EGLN3: variants seen among roughly 807,000 people sequenced by gnomAD.
The protein encoded by EGLN3 is prolyl hydroxylase EGLN3.
EGLN3 carries 15 observed loss-of-function variants against 26.0 expected under a neutral mutation model. That is an observed-to-expected ratio of 0.58 (90% confidence interval 0.39 to 0.89). The LOEUF is 0.89. Among genes scored for constraint, EGLN3 ranks in the 40% least tolerant of loss-of-function variants. EGLN3 has a pLI of 0.00. For synonymous variants in EGLN3, 147 were observed against 127.2 expected, an observed-to-expected ratio of 1.16 and a Z score of -1.05; for missense variants, 238 against 311.6, an observed-to-expected ratio of 0.76 and a Z score of 1.78.
chr14:33,943,856 A>C (rs1198526963), intron 1 of EGLN3, among the ~76,000 whole-genome samples: 1 of 152,228 alleles, frequency 6.6e-6, no homozygotes, highest in Admixed American at 6.5e-5. Context: ...AAGTTTTTCC[A>C]GGAGATTCAG....
Position 33,949,822 on chromosome 14 carries a change from G to A in EGLN3, c.357+574C>T, listed in dbSNP as rs548300118. 4.6e-4 allele frequency: 77 copies of A among 165,592 alleles called. 1 individual carries two copies. Among genetic ancestry groups the A allele is most frequent in the African/African-American group, 1.8e-3 (74 of 41,820 alleles). The allele number at this position is 165,592 out of a possible 1,614,324, so 10.3% of individuals were successfully genotyped here. A position where few individuals can be genotyped will look rare whatever the true frequency, so the allele number is the denominator to read the frequency against. ...GAGAGAATTTTCAGTCAAGAAGATGGTCTAACAATGTGCTGGGTCCCAGGG... is the reference window on the plus strand; with the variant it reads ...GAGAGAATTTTCAGTCAAGAAGATGATCTAACAATGTGCTGGGTCCCAGGG... On this transcript the variant is annotated intron_variant, in intron 1 of 4. Coordinates refer to ENST00000250457, the MANE Select transcript of EGLN3 (RefSeq NM_022073.4).
intron 1 of EGLN3, among the ~76,000 whole-genome samples, chr14:33,935,936 G>A (rs1179327598): frequency 1.3e-5 from 2 of 152,070 alleles, no homozygotes; most frequent in Non-Finnish European, 2.9e-5. Context: ...ACAACTAGAT[G>A]TGTAAAGAGT....
chr14:33,931,455 A>T, intron 1 of EGLN3: 1 of 485,370 alleles, frequency 2.1e-6, no homozygotes, highest in Non-Finnish European at 3.6e-6. Flanking sequence ...CAGTTCTAGA[A>T]CATTTTACAC....
intron 1 of EGLN3, among the ~76,000 whole-genome samples, chr14:33,939,222 C>G (rs11156821): frequency 1.7e-4 from 21 of 124,344 alleles, no homozygotes; most frequent in African/African-American, 6.3e-4. Context: ...TTTTTTTTTT[C>G]TTTTTTGAGA....
intron 3 of EGLN3, among the ~76,000 whole-genome samples, chr14:33,928,580 C>T (rs943726208): frequency 2.6e-5 from 4 of 152,134 alleles, no homozygotes; most frequent in African/African-American, 9.7e-5. Flanking sequence ...ATACAGCAAG[C>T]CCAAGCCAAT....
At chr14:33,933,573 G>T (rs1229149592) in intron 1 of EGLN3, among the ~76,000 whole-genome samples, 2 of 152,162 alleles carry the variant, frequency 1.3e-5, no homozygotes, top group Non-Finnish European at 2.9e-5. Flanking sequence ...ATCATTTCGA[G>T]CATCAGTGGG....
intron 1 of EGLN3, among the ~76,000 whole-genome samples, chr14:33,942,292 A>T (rs1171258134): frequency 6.7e-6 from 1 of 148,298 alleles, no homozygotes; most frequent in East Asian, 2.1e-4. Flanking sequence ...AAGAAAGTTT[A>T]GTTAAAAAAA....
Position 33,950,988 on chromosome 14 carries a change from C to T in EGLN3, c.-236G>A, listed in dbSNP as rs1442829083. 9 of 548,482 alleles carry T rather than the reference C, an allele frequency of 1.6e-5. No individual in the cohort carries two copies. Among genetic ancestry groups the T allele is most frequent in the Non-Finnish European group, 2.3e-5 (7 of 310,674 alleles). The allele number at this position is 548,482 out of a possible 1,614,324, so 34.0% of individuals were successfully genotyped here. On this transcript the variant is annotated 5_prime_UTR_variant, in exon 1 of 5. Transcript: ENST00000250457. The stretch of plus-strand genomic sequence containing the variant: ...GGTGCGGAGCTCCACGACCCGTTTC[C>T]GGACTGGCCCGGCGAGCAGTGCGGC...
Position 33,947,794 on chromosome 14 carries a change from G to A in EGLN3, c.357+2602C>T, listed in dbSNP as rs144568165. 3.7e-3 allele frequency among the ~76,000 whole-genome samples: 563 copies of A among 152,318 alleles called. 2 individuals are homozygous for A. Among genetic ancestry groups the A allele is most frequent in the Non-Finnish European group, 6.2e-3 (421 of 68,028 alleles). ...GGGCCGGGCACAGTGGCTCAAGCCT[G>A]TAATCCCAGAACTTTGGGAGGCCGA... On this transcript the variant is annotated intron_variant, in intron 1 of 4. Transcript: ENST00000250457.
At chr14:33,925,964 C>A (rs1293908077) in intron 4 of EGLN3, 42 bp from the exon 5 acceptor site, 4 of 1,601,836 alleles carry the variant, frequency 2.5e-6, no homozygotes, top group Non-Finnish European at 3.4e-6. Context: ...GGTATGGAGT[C>A]AGCTCTGATG....
intron 1 of EGLN3, chr14:33,950,125 G>A: frequency 1.7e-6 from 1 of 594,452 alleles, no homozygotes; most frequent in South Asian, 2.1e-5. Flanking sequence ...CACAGCCACA[G>A]CTTGTCTGGC....
In EGLN3 at chr14:33,931,193, C is replaced by A; in HGVS notation, c.380G>T (p.Gly127Val). Residue 127 changes from glycine (G) to valine (V), a missense_variant, in exon 2 of 5, where the codon GGA (glycine) becomes GTA (valine). Physicochemically the swap from Gly to Val is moderately radical, Grantham distance 109. Transcript: ENST00000250457. ...GTGGCGAACATAACCTGTTCCATTT[C>A]CCGGATAGCAAGCCACCATTGCCTA... ...RSKAMVACYP[G>V]NGTGYVRHVD... 6.2e-7 allele frequency: 1 copy of A among 1,614,162 alleles called. No homozygotes were observed. Among genetic ancestry groups the A allele is most frequent in the Non-Finnish European group, 8.5e-7 (1 of 1,180,012 alleles).
At chr14:33,926,196 T>C (rs1334591068) in intron 4 of EGLN3, among the ~76,000 whole-genome samples, 2 of 152,218 alleles carry the variant, frequency 1.3e-5, no homozygotes, top group African/African-American at 2.4e-5. Context: ...CTCACTCACA[T>C]ATCAGAGTTA....
At chr14:33,932,444 GC>G (rs1333048144) in intron 1 of EGLN3, among the ~76,000 whole-genome samples, 1 of 152,090 alleles carries the variant, frequency 6.6e-6, no homozygotes, top group African/African-American at 2.4e-5. Flanking sequence ...TTTGAGTAGA[GC>G]CCCAAGCTAA....
rs2064384127 is a variant in EGLN3, at chr14:33,929,159, A to G, written c.531T>C (p.Asp177=). ...IFPEGKSFIA[D]VEPIFDRLLF... is the part of the protein sequence containing the mutation. ...GGAGTCTGTCAAAAATGGGCTCCAC[A>G]TCTGCTATGAATGATTTCCCCTCTG... Residue 177 remains aspartate, a synonymous_variant, in exon 3 of 5, where the codon GAT becomes GAC. Transcript: ENST00000250457. 4 of 1,614,080 alleles carry G rather than the reference A, an allele frequency of 2.5e-6. No individual in the cohort carries two copies. The highest frequency in any genetic ancestry group is 2.5e-6 in the Non-Finnish European group (3 of 1,180,034).
chr14:33,943,479 A>G (rs2064497293), intron 1 of EGLN3, among the ~76,000 whole-genome samples: 1 of 152,222 alleles, frequency 6.6e-6, no homozygotes, highest in South Asian at 2.1e-4. Flanking sequence ...TGCTGCTACC[A>G]AGGAATTGTG....
At chr14:33,948,386 T>C (rs1226698795) in intron 1 of EGLN3, 5 of 152,208 alleles carry the variant, frequency 3.3e-5, no homozygotes, top group Admixed American at 6.5e-5. Flanking sequence ...TTGGTTCTAA[T>C]TGGCCAGGGA....
intron 1 of EGLN3, among the ~76,000 whole-genome samples, chr14:33,932,371 G>A (rs1442165452): frequency 1.3e-5 from 2 of 152,122 alleles, no homozygotes; most frequent in Non-Finnish European, 2.9e-5. Context: ...AAACATACAT[G>A]TAAAGATCCA....
chr14:33,948,876 C>T (rs1286297202), intron 1 of EGLN3: 2 of 152,148 alleles, frequency 1.3e-5, no homozygotes, highest in Non-Finnish European at 2.9e-5. Flanking sequence ...AGCATCTCAG[C>T]AACACTGAGG....
Sources: gnomAD v4.1 joint callset for allele counts (sites outside exome capture counted in the v4.1 genomes callset) on GRCh38, gnomAD v4.1.1 for gene constraint, MANE v1.5 for transcripts, NCBI Gene and HGNC (gene_info 2026-07-23, HGNC 2026-07-21) for gene names.